NCKAP5: variants seen among roughly 807,000 people sequenced by gnomAD.
The protein encoded by NCKAP5 is nck-associated protein 5.
Under a neutral mutation model 167.0 loss-of-function variants are expected in NCKAP5, and 92 were observed. The observed-to-expected ratio is 0.55, with a 90% CI of 0.47 to 0.66. The LOEUF is 0.66. NCKAP5 is among the 30% of genes least tolerant of loss of function. The pLI is 0.00. For missense variants in NCKAP5, 2,378 were observed against 2,315.0 expected (o/e 1.03, Z -0.56); for synonymous variants, 891 against 877.4 (o/e 1.02, Z -0.27).
chr2:133,275,701 A>G (rs982262328), intron 4 of NCKAP5, among the ~76,000 whole-genome samples: 2 of 152,020 alleles, frequency 1.3e-5, no homozygotes, highest in Non-Finnish European at 2.9e-5. Flanking sequence ...ATTAAAAAAT[A>G]TAAATAAAAT....
intron 3 of NCKAP5, among the ~76,000 whole-genome samples, chr2:133,458,154 G>T (rs1011919144): frequency 6.6e-6 from 1 of 152,154 alleles, no homozygotes; most frequent in Non-Finnish European, 1.5e-5. Flanking sequence ...TTTGGAGTGG[G>T]TCCATCCATT....
At chr2:133,303,179 T>A in intron 3 of NCKAP5, 69 bp from the exon 4 acceptor site, 1 of 1,071,184 alleles carries the variant, frequency 9.3e-7, no homozygotes, top group East Asian at 2.6e-5. Context: ...ACCCTGACCT[T>A]ATCTCTACAA....
In NCKAP5 at chr2:133,138,522, C is replaced by G. The variant is rs553049444; in HGVS notation, c.208-8411G>C. On this transcript the variant is annotated intron_variant, in intron 5 of 19. Transcript: ENST00000409261. ...TCAACTTCTCACATTTTTCATCAGT[C>G]TAAGTGTCATTTTCACATCATGATT... Among the ~76,000 whole-genome samples, 16 of 152,256 alleles carry G rather than the reference C, an allele frequency of 1.1e-4. No homozygotes were observed. The South Asian group carries it at 2.7e-3, about 26-fold the overall frequency.
intron 6 of NCKAP5, among the ~76,000 whole-genome samples, chr2:133,064,130 A>G (rs2080107122): frequency 6.6e-6 from 1 of 152,240 alleles, no homozygotes; most frequent in African/African-American, 2.4e-5. Context: ...ACATGATCAA[A>G]AAATGGTCGA....
At chr2:133,604,881 A>G in the NCKAP5 span, among the ~76,000 whole-genome samples, 1 of 152,194 alleles carries the variant, frequency 6.6e-6, no homozygotes, top group Non-Finnish European at 1.5e-5. Flanking sequence ...TGGGAGTAGC[A>G]GCTAGGGGTC....
the NCKAP5 span, among the ~76,000 whole-genome samples, chr2:133,605,784 G>C: frequency 1.4e-3 from 211 of 152,262 alleles, no homozygotes; most frequent in African/African-American, 4.9e-3. Flanking sequence ...TGTTACAAAT[G>C]TATCCCTGCT....
intron 5 of NCKAP5, among the ~76,000 whole-genome samples, chr2:133,172,323 G>C (rs1042672316): frequency 6.6e-6 from 1 of 152,164 alleles, no homozygotes; most frequent in Non-Finnish European, 1.5e-5. Flanking sequence ...AAACAGAGGA[G>C]CCCAGTTAGA....
At chr2:133,162,303 C>T (rs923186961) in intron 5 of NCKAP5, among the ~76,000 whole-genome samples, 4 of 152,146 alleles carry the variant, frequency 2.6e-5, no homozygotes, top group African/African-American at 9.7e-5. Flanking sequence ...ATTTAAAATT[C>T]ACATAAAGCA....
At chr2:132,895,134 T>G (rs57076882) in intron 8 of NCKAP5, among the ~76,000 whole-genome samples, 45 of 151,662 alleles carry the variant, frequency 3.0e-4, no homozygotes, top group Non-Finnish European at 5.9e-4. Context: ...GATGGAGACC[T>G]TCCTGGCTAA....
At chr2:133,290,146 A>C (rs1679468244) in intron 4 of NCKAP5, among the ~76,000 whole-genome samples, 1 of 152,228 alleles carries the variant, frequency 6.6e-6, no homozygotes, top group Non-Finnish European at 1.5e-5. Flanking sequence ...CCTTCTCCGT[A>C]AATACCACTT....
intron 11 of NCKAP5, among the ~76,000 whole-genome samples, chr2:132,804,517 AT>A (rs1209224945): frequency 1.3e-5 from 2 of 152,034 alleles, no homozygotes; most frequent in Admixed American, 1.3e-4. Context: ...GGGGGAACAC[AT>A]TTTTTCCCTC....
At chr2:132,756,701 T>C (rs1317023261) in intron 16 of NCKAP5, among the ~76,000 whole-genome samples, 1 of 152,182 alleles carries the variant, frequency 6.6e-6, no homozygotes, top group Non-Finnish European at 1.5e-5. Flanking sequence ...AGGAAAACAT[T>C]TTGACTGGGT....
Position 132,784,961 on chromosome 2 carries a change from A to G in NCKAP5, c.1850T>C (p.Leu617Pro), listed in dbSNP as rs776477288. ...AADTDKSVEN[L>P]DVLVGFGKSL... ...TTTTCCAAACCCCACAAGGACATCC[A>G]GGTTCTCCACGGACTTATCGGTGTC... Residue 617 changes from leucine to proline, a missense_variant, in exon 14 of 20, where the codon CTG becomes CCG. Coordinates refer to ENST00000409261, the MANE Select transcript of NCKAP5 (RefSeq NM_207363.3). The G allele has an allele frequency of 7.4e-6, 12 of 1,611,520 alleles. No individual in the cohort carries two copies. In the South Asian group the frequency reaches 1.2e-4, roughly 16 times the overall value.
chr2:133,328,385 CA>C (rs1486835244), intron 3 of NCKAP5, among the ~76,000 whole-genome samples: 1 of 152,162 alleles, frequency 6.6e-6, no homozygotes, highest in Non-Finnish European at 1.5e-5. Flanking sequence ...TTGTTTTAAA[CA>C]GAGTAACTGA....
upstream of NCKAP5, among the ~76,000 whole-genome samples, chr2:133,569,092 C>A (rs1312140531): frequency 6.6e-6 from 1 of 152,170 alleles, no homozygotes; most frequent in Non-Finnish European, 1.5e-5. Context: ...ACCTGCACCA[C>A]CCCCGACACT....
intron 2 of NCKAP5, among the ~76,000 whole-genome samples, chr2:133,536,255 T>C (rs1435589710): frequency 6.6e-6 from 1 of 151,686 alleles, no homozygotes; most frequent in East Asian, 1.9e-4. Flanking sequence ...TCTTCTAGGA[T>C]TTTTATAGTT....
intron 8 of NCKAP5, among the ~76,000 whole-genome samples, chr2:132,928,037 T>C (rs1466364205): frequency 6.6e-6 from 1 of 152,202 alleles, no homozygotes; most frequent in Non-Finnish European, 1.5e-5. Context: ...TATGCTTCTC[T>C]GAACCCTTTC....
the NCKAP5 span, among the ~76,000 whole-genome samples, chr2:133,598,771 C>A: frequency 2.2e-4 from 34 of 152,250 alleles, 1 homozygote; most frequent in South Asian, 1.0e-3. Context: ...CCTAGGGCTT[C>A]CATTACAAAT....
chr2:132,935,065 T>C (rs1423530518), intron 8 of NCKAP5, among the ~76,000 whole-genome samples: 1 of 151,812 alleles, frequency 6.6e-6, no homozygotes, highest in African/African-American at 2.4e-5. Flanking sequence ...CAGGGAAGAG[T>C]ATTTAATTGA....
Sources: allele counts gnomAD v4.1 joint callset (sites outside exome capture counted in the v4.1 genomes callset), GRCh38; gene constraint gnomAD v4.1.1; transcripts MANE v1.5; gene names NCBI Gene and HGNC (gene_info 2026-07-23, HGNC 2026-07-21).